RGS7: variants seen among roughly 807,000 people sequenced by gnomAD.
The protein encoded by RGS7 is regulator of G protein signaling 7.
A neutral mutation model predicts 81.1 loss-of-function variants in RGS7; 27 were observed. The ratio of observed to expected loss-of-function variants is 0.33; its 90% confidence interval spans 0.25 to 0.46. The LOEUF is 0.46. Among genes scored for constraint, RGS7 ranks in the 20% least tolerant of loss-of-function variants. The pLI, the probability that RGS7 is intolerant of heterozygous loss-of-function variation, is 1.00. For synonymous variants in RGS7, 208 were observed against 207.7 expected (o/e 1.00, Z -0.01); for missense variants, 396 against 607.4 (o/e 0.65, Z 3.66).
chr1:241,337,201 C>T (rs908323747), intron 2 of RGS7, among the ~76,000 whole-genome samples: 67 of 152,210 alleles, frequency 4.4e-4, no homozygotes, highest in African/African-American at 1.6e-3. Context: ...GTTCTCAAAA[C>T]ATTTCTTTTC....
chr1:240,970,300 T>C (rs1305505139), intron 4 of RGS7, among the ~76,000 whole-genome samples: 2 of 152,176 alleles, frequency 1.3e-5, no homozygotes, highest in Non-Finnish European at 2.9e-5. Context: ...ACCCCCTACT[T>C]TGGCAATGAA....
At chr1:241,079,511 G>C (rs1007786189) in intron 3 of RGS7, among the ~76,000 whole-genome samples, 3 of 152,120 alleles carry the variant, frequency 2.0e-5, no homozygotes, top group African/African-American at 7.2e-5. Context: ...AGCTAGCTTG[G>C]GGAGGGGGCT....
chr1:241,259,685 T>TATATATATATATATAA (rs1302382859), intron 2 of RGS7, among the ~76,000 whole-genome samples: 1 of 100,792 alleles, frequency 9.9e-6, no homozygotes, highest in African/African-American at 3.6e-5. Context: ...TATATATATA[T>TATATATATATATATAA]AATTAAAATA....
At chr1:241,041,285 A>C (rs2060602408) in intron 3 of RGS7, among the ~76,000 whole-genome samples, 1 of 152,128 alleles carries the variant, frequency 6.6e-6, no homozygotes, top group Non-Finnish European at 1.5e-5. Context: ...GTGATCTTTC[A>C]CTAAAGTCTA....
At position 241,221,044 on chromosome 1, in the gene RGS7, AAAG is replaced by A. The variant is rs2074947809; in HGVS notation, c.79-122285_79-122283del. ...AAGGAAGGAAGGAAGGAAGGAAAAG[AAAG>A]AAAGAAAGAAAGAGAGAGAGAGAGA... is the stretch of plus-strand genomic sequence containing the variant. On this transcript the variant is annotated intron_variant, in intron 2 of 18. Coordinates refer to ENST00000440928, the MANE Select transcript of RGS7 (RefSeq NM_001364886.1). 2.8e-4 allele frequency among the ~76,000 whole-genome samples: 25 copies of A among 88,744 alleles called. No homozygotes were observed. In the East Asian group the frequency reaches 3.1e-3, roughly 11 times the overall value. The allele number at this position is 88,744 out of a possible 152,430, so 58.2% of individuals were successfully genotyped here.
intron 3 of RGS7, among the ~76,000 whole-genome samples, chr1:241,043,332 A>T (rs559560923): frequency 6.6e-6 from 1 of 152,030 alleles, no homozygotes; most frequent in Non-Finnish European, 1.5e-5. Context: ...TCTTTGGGAC[A>T]CAATGCTGCT....
intron 18 of RGS7, among the ~76,000 whole-genome samples, 186 bp from the exon 19 acceptor site, chr1:240,776,399 C>A (rs750483665): frequency 6.7e-6 from 1 of 149,516 alleles, no homozygotes; most frequent in African/African-American, 2.5e-5. Flanking sequence ...TCCACTGACA[C>A]GTCAAACAAA....
chr1:241,262,924 C>T (rs1193944574), intron 2 of RGS7, among the ~76,000 whole-genome samples: 2 of 152,004 alleles, frequency 1.3e-5, no homozygotes, highest in Non-Finnish European at 2.9e-5. Flanking sequence ...CATGGTGAAA[C>T]GCCGTCTCTA....
chr1:241,233,799 AG>A (rs1490417175), intron 2 of RGS7, among the ~76,000 whole-genome samples: 4 of 94,994 alleles, frequency 4.2e-5, no homozygotes, highest in African/African-American at 1.7e-4. Context: ...TTTTTAGTTT[AG>A]TTTTTTTTTT....
chr1:241,111,872 T>C (rs942759157), intron 2 of RGS7, among the ~76,000 whole-genome samples: 1 of 152,202 alleles, frequency 6.6e-6, no homozygotes, highest in African/African-American at 2.4e-5. Flanking sequence ...ACAATAAATG[T>C]ACCCATTGTT....
intron 18 of RGS7, among the ~76,000 whole-genome samples, chr1:240,793,611 A>ATATATATATATATATATATATATTTTTTT: frequency 1.3e-5 from 1 of 78,806 alleles, no homozygotes; most frequent in African/African-American, 9.7e-5. Context: ...ATATATATAT[A>ATATATATATATATATATATATATTTTTTT]TTTTTTTTTT....
chr1:241,178,919 G>A (rs6429251), intron 2 of RGS7, among the ~76,000 whole-genome samples: 69,177 of 151,966 alleles, frequency 0.46, 16,048 homozygotes, highest in African/African-American at 0.49. Context: ...TATACTTTCA[G>A]TGTTCACTGT....
At chr1:240,973,499 G>C (rs192390801) in intron 4 of RGS7, among the ~76,000 whole-genome samples, 3 of 146,974 alleles carry the variant, frequency 2.0e-5, no homozygotes, top group African/African-American at 4.9e-5. Flanking sequence ...GACAGAGCAA[G>C]ACTGACTCTC....
At chr1:241,160,441 G>A (rs1042444017) in intron 2 of RGS7, among the ~76,000 whole-genome samples, 1 of 140,530 alleles carries the variant, frequency 7.1e-6, no homozygotes, top group African/African-American at 2.6e-5. Flanking sequence ...GAAACATGTA[G>A]CAATCAAGAA....
intron 2 of RGS7, among the ~76,000 whole-genome samples, chr1:241,242,380 T>A (rs1431393394): frequency 6.6e-6 from 1 of 152,196 alleles, no homozygotes; most frequent in African/African-American, 2.4e-5. Context: ...TGTTGATTGA[T>A]AGGCATTTGG....
Position 240,912,161 on chromosome 1 carries a change from A to G in RGS7, c.385+18556T>C, listed in dbSNP as rs1671875822. On this transcript the variant is annotated intron_variant, in intron 6 of 18. Transcript: ENST00000440928. ...GCGAGATTCTGTCTCAAAAAAAAAA[A>G]AAAAAAAAAAAAAAAAGATTTTCTG... Among the ~76,000 whole-genome samples the G allele has an allele frequency of 2.0e-5, 3 of 149,906 alleles. No individual in the cohort carries two copies. The South Asian group carries it at 6.3e-4, about 31-fold the overall frequency.
intron 2 of RGS7, among the ~76,000 whole-genome samples, chr1:241,179,621 C>T (rs1237166077): frequency 1.3e-5 from 2 of 152,084 alleles, no homozygotes; most frequent in East Asian, 1.9e-4. Flanking sequence ...TGCACAGATT[C>T]GGATGGACAA....
At chr1:241,049,549 C>T (rs975926277) in intron 3 of RGS7, among the ~76,000 whole-genome samples, 4 of 152,150 alleles carry the variant, frequency 2.6e-5, no homozygotes. Flanking sequence ...GGGCTTTCCC[C>T]TACCTTTAAT....
intron 9 of RGS7, among the ~76,000 whole-genome samples, chr1:240,845,371 T>C (rs1658880840): frequency 6.6e-6 from 1 of 152,118 alleles, no homozygotes; most frequent in Non-Finnish European, 1.5e-5. Flanking sequence ...ATTTAATACA[T>C]AAAAAACTCA....
Sources: allele counts gnomAD v4.1 joint callset (sites outside exome capture counted in the v4.1 genomes callset), GRCh38; gene constraint gnomAD v4.1.1; transcripts MANE v1.5; gene names NCBI Gene and HGNC (gene_info 2026-07-23, HGNC 2026-07-21).